The following TANC2 variants were observed in gnomAD, a reference collection of about 807,000 sequenced individuals.
The protein encoded by TANC2 is protein TANC2.
In TANC2, 26 loss-of-function variants were observed where a neutral mutation model predicts 210.5. That is an observed-to-expected ratio of 0.12 (90% CI 0.09 to 0.17). The LOEUF (loss-of-function observed/expected upper bound fraction) is 0.17. Among genes scored for constraint, TANC2 ranks in the 10% least tolerant of loss-of-function variants. The pLI is 1.00. For missense variants in TANC2, 2,129 were observed against 2,608.9 expected (o/e 0.82, Z 4.01); for synonymous variants, 931 against 967.1 (o/e 0.96, Z 0.69).
In TANC2 at chr17:63,176,469, C is replaced by A. The variant is rs1270259439; in HGVS notation, c.434-17522C>A. ...ATTCCTTATATAACCTATTTAATTA[C>A]TTATATAAGCTTATGTAAGATTATA... On this transcript the variant is annotated intron_variant, in intron 5 of 27. Coordinates refer to ENST00000689528, the Ensembl canonical transcript of TANC2. Among the ~76,000 whole-genome samples the A allele has an allele frequency of 2.0e-5, 3 of 152,110 alleles. No homozygotes were observed. In the East Asian group the frequency reaches 5.8e-4, roughly 29 times the overall value.
At chr17:63,219,849 A>G (rs2042121379) in intron 7 of TANC2, among the ~76,000 whole-genome samples, 1 of 152,256 alleles carries the variant, frequency 6.6e-6, no homozygotes, top group South Asian at 2.1e-4. Context: ...ACCTGATATT[A>G]TCATTTGTAT....
chr17:63,233,731 C>T (rs1177914298), intron 7 of TANC2, among the ~76,000 whole-genome samples: 1 of 152,238 alleles, frequency 6.6e-6, no homozygotes, highest in African/African-American at 2.4e-5. Context: ...TACCAGCACA[C>T]CACTGGCCCC....
chr17:63,063,160 G>C (rs1006734664), intron 2 of TANC2, among the ~76,000 whole-genome samples: 2 of 152,214 alleles, frequency 1.3e-5, no homozygotes, highest in African/African-American at 4.8e-5. Flanking sequence ...GGAACAGCCA[G>C]ATGATAGAGA....
chr17:63,324,198 T>C (rs2045576663), intron 11 of TANC2, among the ~76,000 whole-genome samples: 1 of 152,218 alleles, frequency 6.6e-6, no homozygotes, highest in African/African-American at 2.4e-5. Context: ...GAAGCTAACA[T>C]ATCTGAAATG....
chr17:63,166,431 G>C (rs1333302591), intron 5 of TANC2, among the ~76,000 whole-genome samples: 1 of 152,096 alleles, frequency 6.6e-6, no homozygotes, highest in Non-Finnish European at 1.5e-5. Context: ...CTGTTTTTAG[G>C]AAGCATATAA....
At chr17:63,307,191 GAGGGTTTTGCGT>G (rs1440876851) in intron 9 of TANC2, among the ~76,000 whole-genome samples, 1 of 152,132 alleles carries the variant, frequency 6.6e-6, no homozygotes, top group Admixed American at 6.5e-5. Context: ...AGAACCACTG[GAGGGTTTTGCGT>G]AGGGGAGTGA....
intron 7 of TANC2, among the ~76,000 whole-genome samples, chr17:63,219,132 C>A (rs1288624727): frequency 6.6e-6 from 1 of 152,002 alleles, no homozygotes; most frequent in Non-Finnish European, 1.5e-5. Flanking sequence ...GAAAATATAC[C>A]ATGTTCAAAG....
Position 63,120,813 on chromosome 17 carries a change from CAAAAAAAAAAAAAAAAA to C in TANC2, c.322+21468_322+21484del, listed in dbSNP as rs58058892. On this transcript the variant is annotated intron_variant, in intron 4 of 27. Coordinates refer to ENST00000689528, the Ensembl canonical transcript of TANC2. The stretch of plus-strand genomic sequence containing the variant: ...TGGGTGACAGTATGAGACCCTGTCT[CAAAAAAAAAAAAAAAAA>C]AAAAAAAAAAACTATTCAATATTGT... The C allele has an allele frequency of 2.9e-4, 15 of 51,934 alleles. No individual in the cohort carries two copies. The East Asian group carries it at 0.015, about 53-fold the overall frequency. The allele number at this position is 51,934 out of a possible 1,614,324, so 3.2% of individuals were successfully genotyped here. A position where few individuals can be genotyped will look rare whatever the true frequency, so the allele number is the denominator to read the frequency against.
At position 63,151,066 on chromosome 17, in the gene TANC2, G is replaced by T. The variant is rs1481594757; in HGVS notation, c.323-204G>T. ...TTTTTTTTTCTGGCTCAAAAAATAGGGTAACCTGATCTGAGTCTGACAGAG... is the reference window on the plus strand; with the variant it reads ...TTTTTTTTTCTGGCTCAAAAAATAGTGTAACCTGATCTGAGTCTGACAGAG... On this transcript the variant is annotated intron_variant, in intron 4 of 27. Coordinates refer to ENST00000689528, the Ensembl canonical transcript of TANC2. 3.3e-5 allele frequency: 5 copies of T among 151,482 alleles called. No homozygotes were observed. In the East Asian group the frequency reaches 9.7e-4, roughly 29 times the overall value. The allele number at this position is 151,482 out of a possible 1,614,324, so 9.4% of individuals were successfully genotyped here.
intron 4 of TANC2, among the ~76,000 whole-genome samples, chr17:63,127,195 C>T (rs2038742680): frequency 6.6e-6 from 1 of 152,136 alleles, no homozygotes; most frequent in African/African-American, 2.4e-5. Context: ...ATTTTCTACC[C>T]TTCTCCATTC....
At chr17:63,319,410 T>C (rs576225068) in intron 11 of TANC2, among the ~76,000 whole-genome samples, 127 of 152,322 alleles carry the variant, frequency 8.3e-4, no homozygotes, top group African/African-American at 2.9e-3. Flanking sequence ...AGTGGTGCAA[T>C]CTCAGCTCAC....
chr17:63,249,887 A>G (rs1222011762), intron 8 of TANC2, among the ~76,000 whole-genome samples: 2 of 152,184 alleles, frequency 1.3e-5, no homozygotes, highest in African/African-American at 2.4e-5. Flanking sequence ...ATTAGTGGCA[A>G]CTGATATAAG....
chr17:63,068,768 A>G (rs1405588578), intron 2 of TANC2, among the ~76,000 whole-genome samples: 1 of 151,274 alleles, frequency 6.6e-6, no homozygotes, highest in Non-Finnish European at 1.5e-5. Flanking sequence ...TTTTTATTCT[A>G]GAGTTAAAAT....
At chr17:63,144,500 A>G (rs926462595) in intron 4 of TANC2, among the ~76,000 whole-genome samples, 2 of 152,208 alleles carry the variant, frequency 1.3e-5, no homozygotes, top group Non-Finnish European at 2.9e-5. Context: ...CTACAATAAT[A>G]TACATTCACA....
intron 14 of TANC2, among the ~76,000 whole-genome samples, chr17:63,377,111 A>G (rs570015070): frequency 6.6e-6 from 1 of 152,340 alleles, no homozygotes; most frequent in African/African-American, 2.4e-5. Flanking sequence ...TGCACAAAGC[A>G]GCAAGGCCCT....
At chr17:63,068,464 A>T (rs1360023539) in intron 2 of TANC2, among the ~76,000 whole-genome samples, 1 of 152,064 alleles carries the variant, frequency 6.6e-6, no homozygotes, top group Non-Finnish European at 1.5e-5. Flanking sequence ...GTGCACAAGG[A>T]GCTTATATAC....
At chr17:63,021,960 C>G (rs1457075319) in intron 2 of TANC2, among the ~76,000 whole-genome samples, 1 of 152,130 alleles carries the variant, frequency 6.6e-6, no homozygotes, top group African/African-American at 2.4e-5. Context: ...TTGTTGGGTA[C>G]TGGAATAAAG....
intron 1 of TANC2, among the ~76,000 whole-genome samples, chr17:62,974,569 A>G (rs916748476): frequency 2.0e-5 from 3 of 152,190 alleles, no homozygotes; most frequent in African/African-American, 4.8e-5. Flanking sequence ...ATTGACTACT[A>G]TGTATAAGTT....
At chr17:62,984,662 A>G (rs1230755781) in intron 1 of TANC2, among the ~76,000 whole-genome samples, 1 of 151,596 alleles carries the variant, frequency 6.6e-6, no homozygotes, top group Non-Finnish European at 1.5e-5. Context: ...TTGTGTTTCT[A>G]TTTTCAGTTG....
Sources: allele counts gnomAD v4.1 joint callset (sites outside exome capture counted in the v4.1 genomes callset), GRCh38; gene constraint gnomAD v4.1.1; transcripts MANE v1.5; gene names NCBI Gene and HGNC (gene_info 2026-07-23, HGNC 2026-07-21).